The following KMT2C variants were observed in gnomAD, a reference collection of about 807,000 sequenced individuals.
KMT2C encodes lysine methyltransferase 2C.
In KMT2C, 88 loss-of-function variants were observed where a neutral mutation model predicts 507.9. The observed-to-expected ratio is 0.17, with a 90% CI of 0.15 to 0.21. The LOEUF is 0.21. Ranked by LOEUF, KMT2C falls within the 10% of genes least tolerant of loss-of-function variation. The pLI, the probability that KMT2C is intolerant of heterozygous loss-of-function variation, is 1.00. For missense variants in KMT2C, 4,954 were observed against 5,957.8 expected (o/e 0.83, Z 5.55); for synonymous variants, 2,049 against 2,080.8 (o/e 0.98, Z 0.42).
chr7:152,371,767 C>T (rs2097295370), intron 1 of KMT2C, among the ~76,000 whole-genome samples: 1 of 152,034 alleles, frequency 6.6e-6, no homozygotes, highest in African/African-American at 2.4e-5. Flanking sequence ...ACACATGCCA[C>T]CACACCTGGC....
At chr7:152,279,019 A>G (rs10229159) in intron 6 of KMT2C, among the ~76,000 whole-genome samples, 26,328 of 91,218 alleles carry the variant, frequency 0.29, 4,495 homozygotes, top group African/African-American at 0.56. Context: ...CTATTCAAAT[A>G]TACATAGAAT....
At position 152,256,327 on chromosome 7, in the gene KMT2C, CA is replaced by C. The variant is rs111762726; in HGVS notation, c.1300-3613del. Among the ~76,000 whole-genome samples the C allele has an allele frequency of 9.0e-3, 1,321 of 147,118 alleles. 21 individuals are homozygous for C. Among genetic ancestry groups the C allele is most frequent in the African/African-American group, 0.031 (1,259 of 40,238 alleles). On this transcript the variant is annotated intron_variant, in intron 9 of 58. Coordinates refer to ENST00000262189, the MANE Select transcript of KMT2C (RefSeq NM_170606.3). ...CCATAAGAAAGAAACTTTTGCATGG[CA>C]AAAAAAAAATAATAAAAACAAAGTC... is the stretch of plus-strand genomic sequence containing the variant.
At chr7:152,221,894 G>T (rs772869391) in intron 22 of KMT2C, 107 bp downstream of exon 22, 10 of 719,898 alleles carry the variant, frequency 1.4e-5, no homozygotes. Context: ...ACAGAATTTG[G>T]ATAGAACACC....
chr7:152,297,451 A>G (rs1289544670), intron 6 of KMT2C, among the ~76,000 whole-genome samples: 1 of 152,190 alleles, frequency 6.6e-6, no homozygotes, highest in African/African-American at 2.4e-5. Context: ...TGAGGAAACT[A>G]TGAGAATCCA....
intron 2 of KMT2C, among the ~76,000 whole-genome samples, chr7:152,335,235 C>T (rs1449865032): frequency 6.6e-6 from 1 of 152,220 alleles, no homozygotes; most frequent in Non-Finnish European, 1.5e-5. Flanking sequence ...GAGACTCTCT[C>T]TGCCTGCCTA....
chr7:152,374,108 T>C (rs1282184725), intron 1 of KMT2C, among the ~76,000 whole-genome samples: 1 of 150,650 alleles, frequency 6.6e-6, no homozygotes, highest in Admixed American at 6.6e-5. Flanking sequence ...AGGCCAGGAG[T>C]TCAAGACCAG....
chr7:152,174,887 TAA>T (rs1287851753), intron 38 of KMT2C, among the ~76,000 whole-genome samples: 2 of 152,202 alleles, frequency 1.3e-5, no homozygotes, highest in African/African-American at 4.8e-5. Context: ...AGAAACAAGT[TAA>T]AGAGGTTTAT....
At chr7:152,327,151 C>T (rs569790632) in intron 3 of KMT2C, among the ~76,000 whole-genome samples, 23 of 152,250 alleles carry the variant, frequency 1.5e-4, no homozygotes, top group African/African-American at 5.5e-4. Flanking sequence ...GGTTATTTTT[C>T]CATGTGGCAT....
chr7:152,390,258 A>G (rs1399287227), intron 1 of KMT2C, among the ~76,000 whole-genome samples: 2 of 152,308 alleles, frequency 1.3e-5, no homozygotes, highest in South Asian at 2.1e-4. Flanking sequence ...ATTAAATGAC[A>G]TAACTAAATA....
At chr7:152,324,057 A>G (rs2096800722) in intron 3 of KMT2C, among the ~76,000 whole-genome samples, 1 of 151,718 alleles carries the variant, frequency 6.6e-6, no homozygotes, top group African/African-American at 2.4e-5. Flanking sequence ...AGGAAATAGT[A>G]AGTTGTTGGT....
chr7:152,332,892 A>ACACACACACACACACAC (rs1305747560), intron 2 of KMT2C, among the ~76,000 whole-genome samples: 1 of 151,262 alleles, frequency 6.6e-6, no homozygotes, highest in Admixed American at 6.6e-5. Context: ...ACACACACAC[A>ACACACACACACACACAC]AATTATTCTC....
At chr7:152,327,484 G>A (rs2096839525) in intron 3 of KMT2C, among the ~76,000 whole-genome samples, 1 of 152,112 alleles carries the variant, frequency 6.6e-6, no homozygotes, top group South Asian at 2.1e-4. Flanking sequence ...AGGCTCTCAG[G>A]CACCTGCTCT....
intron 49 of KMT2C, among the ~76,000 whole-genome samples, chr7:152,151,988 G>T (rs1268276360): frequency 6.6e-6 from 1 of 152,198 alleles, no homozygotes; most frequent in African/African-American, 2.4e-5. Flanking sequence ...AGTGTGACTT[G>T]CAGAGTCAGA....
At chr7:152,225,453 A>G (rs948407571) in intron 18 of KMT2C, among the ~76,000 whole-genome samples, 18 of 152,224 alleles carry the variant, frequency 1.2e-4, no homozygotes, top group African/African-American at 3.1e-4. Flanking sequence ...CTAGAAGAGT[A>G]TAAGTTTCCA....
intron 1 of KMT2C, among the ~76,000 whole-genome samples, chr7:152,435,053 A>G (rs1173645791): frequency 6.6e-6 from 1 of 151,982 alleles, no homozygotes; most frequent in Non-Finnish European, 1.5e-5. Flanking sequence ...GCTTCCTAAT[A>G]TATCATCAAA....
At chr7:152,267,375 A>G (rs1354500235) in intron 7 of KMT2C, among the ~76,000 whole-genome samples, 2 of 152,076 alleles carry the variant, frequency 1.3e-5, no homozygotes, top group African/African-American at 4.8e-5. Flanking sequence ...AACATCATCC[A>G]TTTTTCTCAA....
intron 2 of KMT2C, among the ~76,000 whole-genome samples, chr7:152,332,361 T>G (rs2096892402): frequency 6.6e-6 from 1 of 152,222 alleles, no homozygotes; most frequent in African/African-American, 2.4e-5. Context: ...TGGCTCCTTC[T>G]TTTCTAATTT....
chr7:152,281,982 T>C (rs1302401231), intron 6 of KMT2C, among the ~76,000 whole-genome samples: 1 of 152,046 alleles, frequency 6.6e-6, no homozygotes, highest in African/African-American at 2.4e-5. Flanking sequence ...GTAATGGTTT[T>C]TATTTAGGTT....
chr7:152,352,430 T>A (rs1279239438), intron 2 of KMT2C, among the ~76,000 whole-genome samples: 1 of 152,174 alleles, frequency 6.6e-6, no homozygotes, highest in African/African-American at 2.4e-5. Context: ...AAGCACGTGA[T>A]CTCTGTGACC....
Sources: gnomAD v4.1 joint callset for allele counts (sites outside exome capture counted in the v4.1 genomes callset) on GRCh38, gnomAD v4.1.1 for gene constraint, MANE v1.5 for transcripts, NCBI Gene and HGNC (gene_info 2026-07-23, HGNC 2026-07-21) for gene names.